TMBIM6: variants seen among roughly 807,000 people sequenced by gnomAD.
TMBIM6 encodes bax inhibitor 1.
A neutral mutation model predicts 31.4 loss-of-function variants in TMBIM6; 13 were observed. The observed-to-expected ratio is 0.41, with a 90% CI of 0.27 to 0.66. TMBIM6 has a LOEUF of 0.66. Ranked by LOEUF, TMBIM6 falls within the 30% of genes least tolerant of loss-of-function variation. TMBIM6 has a pLI of 0.28. For synonymous variants in TMBIM6, 85 were observed against 101.7 expected, an observed-to-expected ratio of 0.84 and a Z score of 0.99; for missense variants, 275 against 289.5, an observed-to-expected ratio of 0.95 and a Z score of 0.36.
intron 1 of TMBIM6, among the ~76,000 whole-genome samples, chr12:49,743,790 A>G (rs1465435124): frequency 6.6e-6 from 1 of 152,194 alleles, no homozygotes; most frequent in African/African-American, 2.4e-5. Flanking sequence ...TGGAATAGTA[A>G]AAAGAGCACT....
intron 1 of TMBIM6, among the ~76,000 whole-genome samples, chr12:49,748,172 G>A (rs1945431117): frequency 6.6e-6 from 1 of 152,080 alleles, no homozygotes; most frequent in African/African-American, 2.4e-5. Flanking sequence ...AAAGTGCTGG[G>A]ATTACAGGCG....
chr12:49,745,335 A>G (rs191123353), intron 1 of TMBIM6, among the ~76,000 whole-genome samples: 9 of 152,358 alleles, frequency 5.9e-5, no homozygotes, highest in Admixed American at 5.9e-4. Flanking sequence ...AAGGTATGCC[A>G]TTTAAACAAA....
intron 1 of TMBIM6, chr12:49,743,271 C>T (rs866703019): frequency 1.4e-4 from 22 of 151,744 alleles, no homozygotes; most frequent in South Asian, 1.0e-3. Context: ...GTCTCACTCC[C>T]TTACCCAAGC....
At chr12:49,742,490 A>G in intron 1 of TMBIM6, 1 of 517,222 alleles carries the variant, frequency 1.9e-6, no homozygotes, top group Non-Finnish European at 3.2e-6. Context: ...CCTTTCATTG[A>G]CCACCCCCAC....
chr12:49,759,431 A>C, intron 8 of TMBIM6, 110 bp downstream of exon 8: 1 of 844,476 alleles, frequency 1.2e-6, no homozygotes, highest in Non-Finnish European at 2.0e-6. Flanking sequence ...TTGGGAGTGT[A>C]TGTGGTAGGA....
chr12:49,754,405 C>T (rs935187433), intron 3 of TMBIM6, among the ~76,000 whole-genome samples: 17 of 152,162 alleles, frequency 1.1e-4, no homozygotes, highest in Non-Finnish European at 2.4e-4. Flanking sequence ...AAGCTTCATT[C>T]CGGCATGAGT....
Position 49,763,175 on chromosome 12 carries a change from A to G in TMBIM6, c.*279A>G. On this transcript the variant is annotated 3_prime_UTR_variant, in exon 10 of 10. Transcript: ENST00000267115. ...CTCAGGCAGTCGACCCGCCACGATGAGAAGTGGGACCAGCAGAGGGCGCCA... is the reference window on the plus strand; with the variant it reads ...CTCAGGCAGTCGACCCGCCACGATGGGAAGTGGGACCAGCAGAGGGCGCCA... The G allele has an allele frequency of 2.9e-6, 1 of 340,704 alleles. No individual in the cohort carries two copies. The allele number at this position is 340,704 out of a possible 1,614,324, so 21.1% of individuals were successfully genotyped here. A position where few individuals can be genotyped will look rare whatever the true frequency, so the allele number is the denominator to read the frequency against.
intron 3 of TMBIM6, among the ~76,000 whole-genome samples, chr12:49,753,725 C>T (rs1251024352): frequency 6.6e-6 from 1 of 152,178 alleles, no homozygotes; most frequent in Non-Finnish European, 1.5e-5. Context: ...TCCTTATGTT[C>T]AGGCATCTCC....
At chr12:49,760,465 C>G (rs1408544960) in intron 8 of TMBIM6, among the ~76,000 whole-genome samples, 3 of 150,856 alleles carry the variant, frequency 2.0e-5, no homozygotes, top group South Asian at 4.2e-4. Context: ...AGATTGGTCT[C>G]AAGCAGTCCT....
intron 8 of TMBIM6, among the ~76,000 whole-genome samples, chr12:49,759,679 T>C: frequency 6.6e-6 from 1 of 151,794 alleles, no homozygotes; most frequent in East Asian, 1.9e-4. Context: ...TGGTGGCACA[T>C]GTATATAATC....
intron 1 of TMBIM6, 74 bp from the exon 2 acceptor site, chr12:49,752,390 C>CT (rs201023385): frequency 0.15 from 130,577 of 857,840 alleles, 2,299 homozygotes; most frequent in African/African-American, 0.26. Flanking sequence ...TTACATGTTG[C>CT]TTTTTTTTTT....
chr12:49,747,750 CAA>C (rs1333572332), intron 1 of TMBIM6, among the ~76,000 whole-genome samples: 2 of 152,288 alleles, frequency 1.3e-5, no homozygotes, highest in African/African-American at 4.8e-5. Flanking sequence ...CACACTGAGG[CAA>C]AGTCTGTCTT....
At chr12:49,743,806 A>G (rs78012636) in intron 1 of TMBIM6, among the ~76,000 whole-genome samples, 5,146 of 152,304 alleles carry the variant, frequency 0.034, 130 homozygotes, top group Middle Eastern at 0.085. Context: ...GCACTAGACT[A>G]TAGTGGTCAG....
At chr12:49,760,677 C>T (rs1165045252) in intron 8 of TMBIM6, among the ~76,000 whole-genome samples, 2 of 151,724 alleles carry the variant, frequency 1.3e-5, no homozygotes, top group Admixed American at 1.3e-4. Flanking sequence ...GCTGGGATTA[C>T]AGGCACTCTC....
intron 4 of TMBIM6, among the ~76,000 whole-genome samples, chr12:49,756,997 GC>G (rs1241773388): frequency 6.6e-6 from 1 of 152,068 alleles, no homozygotes; most frequent in Non-Finnish European, 1.5e-5. Context: ...CTCCCAAAGT[GC>G]TGGGATTACA....
At chr12:49,752,433 T>TTAA in intron 1 of TMBIM6, 31 bp from the exon 2 acceptor site, 1 of 1,517,256 alleles carries the variant, frequency 6.6e-7, no homozygotes, top group Non-Finnish European at 9.0e-7. Flanking sequence ...TCTGTATGAC[T>TTAA]TAATGACTCT....
chr12:49,742,059 G>T, intron 1 of TMBIM6: 2 of 1,549,594 alleles, frequency 1.3e-6, no homozygotes, highest in East Asian at 4.7e-5. Context: ...GTTCGGCTGC[G>T]GGCGGGTCCT....
At chr12:49,741,739 C>G (rs1945297808) in intron 1 of TMBIM6, 128 bp downstream of exon 1, 1 of 226,890 alleles carries the variant, frequency 4.4e-6, no homozygotes, top group Non-Finnish European at 9.0e-6. Context: ...GAACGAGGCC[C>G]TGCTCGGAGA....
chr12:49,745,155 G>A (rs1252414381), intron 1 of TMBIM6, among the ~76,000 whole-genome samples: 7 of 152,108 alleles, frequency 4.6e-5, no homozygotes, highest in Non-Finnish European at 1.0e-4. Context: ...GGATGGTTCC[G>A]AAACTGAACT....
Sources: gnomAD v4.1 joint callset for allele counts (sites outside exome capture counted in the v4.1 genomes callset) on GRCh38, gnomAD v4.1.1 for gene constraint, MANE v1.5 for transcripts, NCBI Gene and HGNC (gene_info 2026-07-23, HGNC 2026-07-21) for gene names.